The following SLC25A39 variants were observed in gnomAD, a reference collection of about 807,000 sequenced individuals.
SLC25A39 encodes the protein solute carrier family 25 member 39, also known as mitochondrial glutathione transporter SLC25A39.
A neutral mutation model predicts 46.6 loss-of-function variants in SLC25A39; 44 were observed. The ratio of observed to expected loss-of-function variants is 0.94; its 90% CI spans 0.74 to 1.21. The LOEUF is 1.21. Among genes scored for constraint, SLC25A39 ranks in the 50% most tolerant of loss-of-function variants. The probability of loss-of-function intolerance (pLI) is 0.00; values close to 1 mark genes in which losing one functional copy is unlikely to be tolerated. For missense variants in SLC25A39, 487 were observed against 473.0 expected (o/e 1.03, Z -0.28); for synonymous variants, 218 against 190.6 (o/e 1.14, Z -1.19).
At chr17:44,324,373 A>T (rs1420461880) in intron 1 of SLC25A39, 1 of 152,240 alleles carries the variant, frequency 6.6e-6, no homozygotes, top group Non-Finnish European at 1.5e-5. Context: ...CCGGTGACCA[A>T]GAAGGGCCCG....
In SLC25A39 at chr17:44,320,229, G is replaced by T; in HGVS notation, c.931C>A (p.Arg311=). 1 of 1,613,846 alleles carries T rather than the reference G, an allele frequency of 6.2e-7. No homozygotes were observed. The highest frequency in any genetic ancestry group is 1.3e-5 in the African/African-American group (1 of 75,016). ...AGTCCCTTGGTGCCCGACTCGGCCC[G>T]GATCCTCCGCAGCAGCAGCCAGGTG... ...DSTWLLLRRI[R]AESGTKGLFA... Residue 311 remains arginine (R), a synonymous_variant, in exon 11 of 12, where the codon CGG becomes AGG. Transcript: ENST00000377095.
rs1267832351 is a variant in SLC25A39, at chr17:44,319,689, G to A, written c.*312C>T. 2 of 392,136 alleles carry A rather than the reference G, an allele frequency of 5.1e-6. No individual in the cohort carries two copies. Among genetic ancestry groups the A allele is most frequent in the African/African-American group, 2.1e-5 (1 of 48,610 alleles). 24.3% of individuals were successfully genotyped at this position (392,136 alleles called of 1,614,324 possible). ...GGTCAGGGAGACTACACCAGGCTGA[G>A]GGCTTCTTGGTTCCTGGAGACATGC... On this transcript the variant is annotated 3_prime_UTR_variant, in exon 12 of 12. Coordinates refer to ENST00000377095, the MANE Select transcript of SLC25A39 (RefSeq NM_001143780.3).
Position 44,320,657 on chromosome 17 carries a change from C to A in SLC25A39, c.766G>T (p.Gly256Cys), listed in dbSNP as rs1221834719. Reference protein sequence around the residue: ...GFRPKDQTSVGMSFVAGGISG... With the variant: ...GFRPKDQTSVCMSFVAGGISG... ...ATGCCACCAGCCACAAAGCTCATGCCCACAGAAGTCTGGTCCTTCGGCCTG... is the reference window on the plus strand; with the variant it reads ...ATGCCACCAGCCACAAAGCTCATGCACACAGAAGTCTGGTCCTTCGGCCTG... The change falls in exon 9 of 12, where the codon GGC becomes TGC. Residue 256 changes from glycine (G) to cysteine (C), a missense_variant. By Grantham distance (159) the Gly-to-Cys change is radical (BLOSUM62 -3). Transcript: ENST00000377095. The A allele has an allele frequency of 6.2e-7, 1 of 1,614,162 alleles. No homozygotes were observed. Among genetic ancestry groups the A allele is most frequent in the East Asian group, 2.2e-5 (1 of 44,880 alleles).
chr17:44,323,434 G>GCCCCCACCC, intron 2 of SLC25A39, 44 bp downstream of exon 2: 1 of 1,367,930 alleles, frequency 7.3e-7, no homozygotes, highest in Non-Finnish European at 1.0e-6. Flanking sequence ...TCTCCGGTCT[G>GCCCCCACCC]CCCCATCCCC....
At chr17:44,323,439 A>AGCCCCCCCCCCCCCCCCCCCCCCCC in intron 2 of SLC25A39, 39 bp downstream of exon 2, 1 of 257,102 alleles carries the variant, frequency 3.9e-6, no homozygotes, top group African/African-American at 7.1e-5. Flanking sequence ...GGTCTGCCCC[A>AGCCCCCCCCCCCCCCCCCCCCCCCC]TCCCCACCCG....
rs957242881 is a variant in SLC25A39, at chr17:44,319,778, G to C, written c.*223C>G. On this transcript the variant is annotated 3_prime_UTR_variant, in exon 12 of 12. Coordinates refer to ENST00000377095, the MANE Select transcript of SLC25A39 (RefSeq NM_001143780.3). ...CTGGAAGATTTGGTCTTGAACTTGG[G>C]GGGTGGGTAAGTGATGATCCCCACG... The C allele has an allele frequency of 9.0e-6, 5 of 553,894 alleles. No individual in the cohort carries two copies. The highest frequency in any genetic ancestry group is 1.6e-5 in the Non-Finnish European group (5 of 307,636). The allele number at this position is 553,894 out of a possible 1,614,324, so 34.3% of individuals were successfully genotyped here.
chr17:44,321,585 G>A, intron 6 of SLC25A39, 27 bp from the exon 7 acceptor site: 4 of 1,612,380 alleles, frequency 2.5e-6, no homozygotes, highest in Non-Finnish European at 2.5e-6. Context: ...AGGTTAGCTG[G>A]GACTCCCAAA....
rs1293788341 is a variant in SLC25A39 at position 44,323,270 on chromosome 17, G to A, written c.145+14C>T. 3.1e-6 allele frequency: 5 copies of A among 1,613,858 alleles called. No homozygotes were observed. The African/African-American group carries it at 4.0e-5, about 13-fold the overall frequency. On this transcript the variant is annotated intron_variant, in intron 3 of 11. Transcript: ENST00000377095. ...CAGGCACCACCCCTCACTAGTTCCA[G>A]GTCAGGTACTCACCGCTGGCCATGG... is the stretch of plus-strand genomic sequence containing the variant.
In SLC25A39 at chr17:44,320,939, T is replaced by C. The variant is rs552466805; in HGVS notation, c.691+119A>G. The C allele has an allele frequency of 6.1e-5, 77 of 1,267,214 alleles. No homozygotes were observed. The African/African-American group carries it at 9.6e-4, about 16-fold the overall frequency. 78.5% of individuals were successfully genotyped at this position (1,267,214 alleles called of 1,614,324 possible). On this transcript the variant is annotated intron_variant, in intron 8 of 11. Transcript: ENST00000377095. ...GCCCACTTCACAGATGAGAAACCCA[T>C]GGCTCAGAAAAGCTAAGTAACTTCA...
chr17:44,320,744 G>A lies in SLC25A39; in HGVS notation c.692-13C>T. 1 of 1,598,288 alleles carries A rather than the reference G, an allele frequency of 6.3e-7. No individual in the cohort carries two copies. The highest frequency in any genetic ancestry group is 8.6e-7 in the Non-Finnish European group (1 of 1,166,422). On this transcript the variant is annotated splice_polypyrimidine_tract_variant and intron_variant, in intron 8 of 11. Transcript: ENST00000377095. ...AACCAGTACAGGGCTTGGGGTGGGG[G>A]ATGCACTGATTAGAGACGGGAAGGG...
intron 1 of SLC25A39, 200 bp from the exon 2 acceptor site, chr17:44,323,777 G>A: frequency 3.4e-6 from 2 of 582,218 alleles, no homozygotes; most frequent in Admixed American, 3.1e-5. Flanking sequence ...AAGTAGCTGG[G>A]ACTACAGGCG....
chr17:44,323,257 C>T, intron 3 of SLC25A39, 27 bp downstream of exon 3: 1 of 1,613,584 alleles, frequency 6.2e-7, no homozygotes, highest in Non-Finnish European at 8.5e-7. Context: ...GGCACCACCC[C>T]TCACTAGTTC....
rs538314562 is a variant in SLC25A39 at position 44,322,295 on chromosome 17, T to C, written c.324+124A>G. 4.7e-6 allele frequency: 5 copies of C among 1,061,214 alleles called. No homozygotes were observed. The South Asian group carries it at 5.8e-5, about 12-fold the overall frequency. 65.7% of individuals were successfully genotyped at this position (1,061,214 alleles called of 1,614,324 possible). A position where few individuals can be genotyped will look rare whatever the true frequency, so the allele number is the denominator to read the frequency against. Reference sequence around the variant, plus strand: ...GAGGTACTGCCTTCTCCGGAAGCACTTCCTGACGGAACCGGCTACCTCTGC... The same window carrying C: ...GAGGTACTGCCTTCTCCGGAAGCACCTCCTGACGGAACCGGCTACCTCTGC... On this transcript the variant is annotated intron_variant, in intron 5 of 11. Transcript: ENST00000377095.
rs1272280574 is a variant in SLC25A39 at position 44,321,572 on chromosome 17, G to A, written c.393-14C>T. On this transcript the variant is annotated splice_polypyrimidine_tract_variant and intron_variant, in intron 6 of 11. Transcript: ENST00000377095. ...ACAGTCATCACCCTGGGGATACAGA[G>A]AGAGGTTAGCTGGGACTCCCAAAAG... 1.9e-6 allele frequency: 3 copies of A among 1,613,654 alleles called. No homozygotes were observed. The highest frequency in any genetic ancestry group is 3.3e-5 in the Admixed American group (2 of 59,972).
chr17:44,321,815 TG>T, intron 5 of SLC25A39, 48 bp from the exon 6 acceptor site: 1 of 1,577,050 alleles, frequency 6.3e-7, no homozygotes, highest in Non-Finnish European at 8.6e-7. Context: ...ACACAAGTGA[TG>T]TCTGTGATGG....
chr17:44,322,320 C>T (rs891256786), intron 5 of SLC25A39, 99 bp downstream of exon 5: 25 of 1,374,214 alleles, frequency 1.8e-5, no homozygotes, highest in African/African-American at 1.1e-4. Flanking sequence ...GCTACCTCTG[C>T]GTGCCTTGCC....
At chr17:44,320,474 C>T in intron 9 of SLC25A39, 38 bp from the exon 10 acceptor site, 1 of 1,609,120 alleles carries the variant, frequency 6.2e-7, no homozygotes. Flanking sequence ...AGCTCCACTT[C>T]CTGGACCCCC....
At position 44,322,838 on chromosome 17, in the gene SLC25A39, A is replaced by T; in HGVS notation, c.160T>A (p.Ser54Thr). The T allele has an allele frequency of 6.2e-7, 1 of 1,614,022 alleles. No individual in the cohort carries two copies. The highest frequency in any genetic ancestry group is 8.5e-7 in the Non-Finnish European group (1 of 1,179,966). The change falls in exon 4 of 12, where the codon TCC becomes ACC. Residue 54 changes from serine (S) to threonine (T), a missense_variant. Transcript: ENST00000377095. ...GTATAGGAGAGGCTCCACAGTCTGGAGGAAGGCATCAGCTCTAAAATACAA... is the reference window on the plus strand; with the variant it reads ...GTATAGGAGAGGCTCCACAGTCTGGTGGAAGGCATCAGCTCTAAAATACAA... ...PSMASELMPS[S>T]RLWSLSYTKL...
In SLC25A39 at chr17:44,321,096, C is replaced by A; in HGVS notation, c.653G>T (p.Gly218Val). 1.2e-6 allele frequency: 2 copies of A among 1,610,634 alleles called. No individual in the cohort carries two copies. The highest frequency in any genetic ancestry group is 1.3e-5 in the African/African-American group (1 of 75,008). Reference protein sequence around the residue: ...AQGGWRSLWLGWGPTALRDVP... With the variant: ...AQGGWRSLWLVWGPTALRDVP... Reference sequence around the variant, plus strand: ...ATCTCGAAGGGCAGTGGGGCCCCAGCCCAGCCACAGTGAGCGCCAGCCACC... The same window carrying A: ...ATCTCGAAGGGCAGTGGGGCCCCAGACCAGCCACAGTGAGCGCCAGCCACC... Residue 218 changes from glycine (G) to valine (V), a missense_variant, in exon 8 of 12, where the codon GGC becomes GTC. Transcript: ENST00000377095.
Sources: allele counts gnomAD v4.1 joint callset, GRCh38; gene constraint gnomAD v4.1.1; transcripts MANE v1.5; gene names NCBI Gene and HGNC (gene_info 2026-07-23, HGNC 2026-07-21).